Variants in HK2 observed in about 807,000 individuals in gnomAD.
HK2 encodes hexokinase 2.
In HK2, 42 loss-of-function variants were observed where a neutral mutation model predicts 92.9. The ratio of observed to expected loss-of-function variants is 0.45; its 90% confidence interval spans 0.35 to 0.58. The LOEUF is 0.58. Ranked by LOEUF, HK2 falls within the 20% of genes least tolerant of loss-of-function variation. The pLI is 0.00. For missense variants in HK2, 978 were observed against 1,245.1 expected, an observed-to-expected ratio of 0.79 and a Z score of 3.23; for synonymous variants, 422 against 468.0, an observed-to-expected ratio of 0.90 and a Z score of 1.27.
chr2:74,873,451 T>C, intron 5 of HK2, 80 bp downstream of exon 5: 2 of 929,380 alleles, frequency 2.2e-6, no homozygotes, highest in South Asian at 1.4e-5. Flanking sequence ...CCTTGACTCA[T>C]CATTGTTTGC....
chr2:74,885,264 AAAT>A (rs1283044397), intron 12 of HK2, among the ~76,000 whole-genome samples: 3 of 152,220 alleles, frequency 2.0e-5, no homozygotes, highest in African/African-American at 7.2e-5. Context: ...TGTGAGGGTT[AAAT>A]AATGTAATGC....
chr2:74,863,624 A>G (rs570797833), intron 2 of HK2, among the ~76,000 whole-genome samples: 19 of 152,324 alleles, frequency 1.2e-4, no homozygotes, highest in Non-Finnish European at 2.6e-4. Flanking sequence ...TTGGAGATGT[A>G]TCTTTTCGGT....
chr2:74,836,885 T>C (rs367810285), intron 1 of HK2, among the ~76,000 whole-genome samples: 6 of 152,330 alleles, frequency 3.9e-5, no homozygotes, highest in East Asian at 3.9e-4. Flanking sequence ...GAAATCCCCT[T>C]GTGATAAGAT....
intron 1 of HK2, among the ~76,000 whole-genome samples, chr2:74,846,489 G>C (rs2103855644): frequency 6.6e-6 from 1 of 152,296 alleles, no homozygotes; most frequent in Non-Finnish European, 1.5e-5. Context: ...GCATAGGTCT[G>C]TTTTTGTACT....
intron 1 of HK2, among the ~76,000 whole-genome samples, chr2:74,851,032 C>T (rs1157826724): frequency 8.2e-6 from 1 of 121,862 alleles, no homozygotes; most frequent in African/African-American, 2.6e-5. Flanking sequence ...TATCTTCTCT[C>T]TTAGTCTCCT....
At chr2:74,878,396 C>T (rs1689285469) in intron 8 of HK2, among the ~76,000 whole-genome samples, 1 of 148,272 alleles carries the variant, frequency 6.7e-6, no homozygotes, top group Non-Finnish European at 1.5e-5. Context: ...ACTTGTGTTT[C>T]TCAACTCCGT....
In HK2 at chr2:74,834,591, C is replaced by T. The variant is rs1343491830; in HGVS notation, c.11C>T (p.Ser4Leu). 6.2e-6 allele frequency: 10 copies of T among 1,613,932 alleles called. No individual in the cohort carries two copies. The East Asian group carries it at 2.2e-4, about 36-fold the overall frequency. Residue 4 changes from serine to leucine, a missense_variant, in exon 1 of 18, where the codon TCG (serine) becomes TTG (leucine). Physicochemically the swap from Ser to Leu is moderately radical, Grantham distance 145. Coordinates refer to ENST00000290573, the MANE Select transcript of HK2 (RefSeq NM_000189.5). The surrounding 1 kb of genome is among the most constrained non-coding windows in gnomAD (Gnocchi z 4.2). ...TCGGGCCGCGGCAGGATGATTGCCT[C>T]GCATCTGCTTGCCTACTTCTTCACG... MIA[S>L]HLLAYFFTEL...
chr2:74,854,459 C>T lies in HK2; in HGVS notation c.226+4C>T. The T allele has an allele frequency of 1.2e-6, 2 of 1,614,050 alleles. No homozygotes were observed. Among genetic ancestry groups the T allele is most frequent in the African/African-American group, 1.3e-5 (1 of 75,062 alleles). ...AGGTCCACTCCAGATGGGACAGGTA[C>T]TGCATCTGGGGGATGGCTCTAGCTG... is the stretch of plus-strand genomic sequence containing the variant. On this transcript the variant is annotated splice_donor_region_variant and intron_variant, in intron 2 of 17. Transcript: ENST00000290573.
At chr2:74,883,331 C>T (rs539230138) in intron 12 of HK2, among the ~76,000 whole-genome samples, 1 of 152,236 alleles carries the variant, frequency 6.6e-6, no homozygotes, top group East Asian at 1.9e-4. Context: ...ACTGAAGCCC[C>T]CAGGACAGGT....
Position 74,881,744 on chromosome 2 carries a change from G to T in HK2, c.1604G>T (p.Gly535Val). The T allele has an allele frequency of 6.2e-7, 1 of 1,614,206 alleles. No individual in the cohort carries two copies. The highest frequency in any genetic ancestry group is 2.2e-5 in the East Asian group (1 of 44,886). ...KGDFLALDLGGTNFRVLLVRV... is the reference protein window; with the variant it reads ...KGDFLALDLGVTNFRVLLVRV... ...GACTTCTTGGCCTTGGACCTTGGAG[G>T]AACAAATTTCCGGGTCCTGCTGGTC... is the stretch of plus-strand genomic sequence containing the variant. Residue 535 changes from glycine to valine, a missense_variant, in exon 11 of 18, where the codon GGA becomes GTA. This residue lies in a region of HK2 where 742 missense variants were observed against 922.5 expected (regional missense o/e 0.80). Coordinates refer to ENST00000290573, the MANE Select transcript of HK2 (RefSeq NM_000189.5).
Position 74,891,144 on chromosome 2 carries a change from T to A in HK2, c.*203T>A. ...CTATTAAGATAAATAGAGTTCCAAA[T>A]AAGGATTTGTTCACATGCATCATAA... On this transcript the variant is annotated 3_prime_UTR_variant, in exon 18 of 18. Coordinates refer to ENST00000290573, the MANE Select transcript of HK2 (RefSeq NM_000189.5). 1 of 602,804 alleles carries A rather than the reference T, an allele frequency of 1.7e-6. No homozygotes were observed. Among genetic ancestry groups the A allele is most frequent in the Middle Eastern group, 4.5e-4 (1 of 2,236 alleles). 37.3% of individuals were successfully genotyped at this position (602,804 alleles called of 1,614,324 possible). A position where few individuals can be genotyped will look rare whatever the true frequency, so the allele number is the denominator to read the frequency against.
Position 74,834,777 on chromosome 2 carries a change from C to T in HK2, c.63+134C>T, listed in dbSNP as rs985354555. On this transcript the variant is annotated intron_variant, in intron 1 of 17. Coordinates refer to ENST00000290573, the MANE Select transcript of HK2 (RefSeq NM_000189.5). This position sits in a 1 kb window ranked among gnomAD's most constrained non-coding sequence, Gnocchi z 4.2. ...TGGGAGCGGAAAAAGTTTGGGCAGC[C>T]GGGACACTCCTGGGCGCCAGGAGCC... 67 of 944,902 alleles carry T rather than the reference C, an allele frequency of 7.1e-5. No homozygotes were observed. Among genetic ancestry groups the T allele is most frequent in the Non-Finnish European group, 9.7e-5 (58 of 596,828 alleles). 58.5% of individuals were successfully genotyped at this position (944,902 alleles called of 1,614,324 possible).
chr2:74,846,403 CAG>C lies in HK2; in HGVS notation c.64-7888_64-7887del, dbSNP rs566643228. 8.5e-5 allele frequency among the ~76,000 whole-genome samples: 13 copies of C among 152,282 alleles called. No homozygotes were observed. In the South Asian group the frequency reaches 2.3e-3, roughly 27 times the overall value. On this transcript the variant is annotated intron_variant, in intron 1 of 17. Coordinates refer to ENST00000290573, the MANE Select transcript of HK2 (RefSeq NM_000189.5). ...GGTAACCACCATCCAGATCCAGTAA[CAG>C]ATCATTACCTGAACCAGCCCCGTGT...
At position 74,882,214 on chromosome 2, in the gene HK2, C is replaced by A; in HGVS notation, c.1814C>A (p.Pro605His). The change falls in exon 12 of 18, where the codon CCC (proline) becomes CAC (histidine). Residue 605 changes from proline to histidine, a missense_variant. Pro to His is a moderately conservative substitution (Grantham distance 77). This residue lies in a region of HK2 where 742 missense variants were observed against 922.5 expected (regional missense o/e 0.80). Transcript: ENST00000290573. ...SLPLGFTFSF[P>H]CQQNSLDESI... is the part of the protein sequence containing the mutation. Reference sequence around the variant, plus strand: ...CCTCTGGGTTTTACCTTCTCCTTCCCCTGCCAGCAGAACAGCCTGGACGAG... The same window carrying A: ...CCTCTGGGTTTTACCTTCTCCTTCCACTGCCAGCAGAACAGCCTGGACGAG... The A allele has an allele frequency of 6.2e-7, 1 of 1,614,080 alleles. No homozygotes were observed. Among genetic ancestry groups the A allele is most frequent in the Non-Finnish European group, 8.5e-7 (1 of 1,179,948 alleles).
intron 3 of HK2, 63 bp downstream of exon 3, chr2:74,867,847 T>A: frequency 1.3e-6 from 2 of 1,590,968 alleles, no homozygotes; most frequent in Non-Finnish European, 1.7e-6. Flanking sequence ...GTTCTTTCTG[T>A]ACTTTCTCCA....
At chr2:74,835,235 G>A (rs906129162) in intron 1 of HK2, 2 of 170,092 alleles carry the variant, frequency 1.2e-5, no homozygotes, top group South Asian at 1.4e-4. Context: ...CGGAACTGTG[G>A]CGCCCGGAAC....
At chr2:74,863,484 T>C (rs1225099718) in intron 2 of HK2, among the ~76,000 whole-genome samples, 1 of 152,154 alleles carries the variant, frequency 6.6e-6, no homozygotes, top group Admixed American at 6.5e-5. Context: ...GGCATTGCAT[T>C]GTAATGGAGT....
chr2:74,857,832 G>A (rs1688729029), intron 2 of HK2, among the ~76,000 whole-genome samples: 1 of 152,102 alleles, frequency 6.6e-6, no homozygotes, highest in Admixed American at 6.5e-5. Context: ...GAAGTGCTGC[G>A]AGGAAAGGCC....
chr2:74,853,167 T>C (rs779391560), intron 1 of HK2, among the ~76,000 whole-genome samples: 1 of 151,670 alleles, frequency 6.6e-6, no homozygotes, highest in African/African-American at 2.4e-5. Flanking sequence ...GTTGGGGAAG[T>C]TGGGGAACTG....
Sources: allele counts gnomAD v4.1 joint callset (sites outside exome capture counted in the v4.1 genomes callset), GRCh38; gene constraint gnomAD v4.1.1; regional missense constraint gnomAD v4.1.1; non-coding constraint Gnocchi (gnomAD v3.1); transcripts MANE v1.5; gene names NCBI Gene and HGNC (gene_info 2026-07-23, HGNC 2026-07-21).